The following PPP2R3A variants were observed in gnomAD, a reference collection of about 807,000 sequenced individuals.
PPP2R3A encodes serine/threonine-protein phosphatase 2A regulatory subunit B'' subunit alpha.
In PPP2R3A, 80 loss-of-function variants were observed where a neutral mutation model predicts 106.9. That is an observed-to-expected ratio of 0.75 (90% CI 0.62 to 0.90). The LOEUF (loss-of-function observed/expected upper bound fraction) is 0.90. Among genes scored for constraint, PPP2R3A ranks in the 40% least tolerant of loss-of-function variants. The pLI is 0.00. For synonymous variants in PPP2R3A, 483 were observed against 468.3 expected (o/e 1.03, Z -0.41); for missense variants, 1,386 against 1,350.4 (o/e 1.03, Z -0.41).
chr3:136,027,120 T>A (rs201981845), intron 3 of PPP2R3A, 22 bp downstream of exon 3: 4 of 1,591,688 alleles, frequency 2.5e-6, no homozygotes, highest in Non-Finnish European at 1.7e-6. Context: ...ACTAAATGAT[T>A]TACAATCTCC....
chr3:136,016,583 T>TAA (rs1934276195), intron 2 of PPP2R3A, among the ~76,000 whole-genome samples: 1 of 152,194 alleles, frequency 6.6e-6, no homozygotes, highest in African/African-American at 2.4e-5. Context: ...TTGTCTTTTT[T>TAA]AACTGTTGTC....
At chr3:136,005,321 A>G (rs1933804265) in intron 2 of PPP2R3A, among the ~76,000 whole-genome samples, 2 of 152,218 alleles carry the variant, frequency 1.3e-5, no homozygotes, top group Admixed American at 1.3e-4. Flanking sequence ...TCTAAATCTA[A>G]AACACTTCTA....
intron 2 of PPP2R3A, chr3:136,023,105 G>A (rs750183599): frequency 5.6e-6 from 9 of 1,613,270 alleles, no homozygotes; most frequent in Admixed American, 3.3e-5. Context: ...GAAGGGACCC[G>A]GATTTAAGGG....
chr3:136,061,534 A>G (rs893321144), intron 5 of PPP2R3A, among the ~76,000 whole-genome samples: 9 of 152,188 alleles, frequency 5.9e-5, no homozygotes, highest in African/African-American at 1.9e-4. Flanking sequence ...AGGCTGAGGC[A>G]GAAGAATTGC....
intron 2 of PPP2R3A, among the ~76,000 whole-genome samples, chr3:136,014,750 G>A (rs1576435442): frequency 6.6e-6 from 1 of 151,854 alleles, no homozygotes; most frequent in South Asian, 2.1e-4. Flanking sequence ...GGTTTTCCAG[G>A]TATATGATCA....
intron 11 of PPP2R3A, among the ~76,000 whole-genome samples, chr3:136,102,748 T>A (rs1254566191): frequency 6.6e-6 from 1 of 152,090 alleles, no homozygotes; most frequent in Non-Finnish European, 1.5e-5. Context: ...GATGCTGAGG[T>A]GGGAGGATTG....
At position 136,003,331 on chromosome 3, in the gene PPP2R3A, C is replaced by A; in HGVS notation, c.1833C>A (p.Ser611Arg). The A allele has an allele frequency of 6.2e-7, 1 of 1,613,942 alleles. No individual in the cohort carries two copies. The highest frequency in any genetic ancestry group is 8.5e-7 in the Non-Finnish European group (1 of 1,179,938). ...AAGAACTAGTTGAATGCAAATCAAG[C>A]AGAGGGAGCCTATCACAAGAAAAGG... ...FAQELVECKS[S>R]RGSLSQEKEM... Residue 611 changes from serine (S) to arginine (R), a missense_variant, in exon 2 of 14, where the codon AGC (serine) becomes AGA (arginine). Coordinates refer to ENST00000264977, the MANE Select transcript of PPP2R3A (RefSeq NM_002718.5).
At chr3:136,101,950 C>G in intron 10 of PPP2R3A, 57 bp from the exon 11 acceptor site, 1 of 1,503,002 alleles carries the variant, frequency 6.7e-7, no homozygotes, top group East Asian at 2.3e-5. Context: ...CATACTAAAT[C>G]TGGATAAATA....
In PPP2R3A at chr3:136,026,690, A is replaced by G. The variant is rs115031813; in HGVS notation, c.1996-142A>G. ...TAGTGCAGATAAGCATTCCCTAGAA[A>G]CATGCTTACCACCTTTAAGAGTACA... is the stretch of plus-strand genomic sequence containing the variant. On this transcript the variant is annotated intron_variant, in intron 2 of 13. Coordinates refer to ENST00000264977, the MANE Select transcript of PPP2R3A (RefSeq NM_002718.5). 3,196 of 656,164 alleles carry G rather than the reference A, an allele frequency of 4.9e-3. 37 individuals carry two copies. Among genetic ancestry groups the G allele is most frequent in the African/African-American group, 0.032 (1,767 of 54,602 alleles). 40.6% of individuals were successfully genotyped at this position (656,164 alleles called of 1,614,324 possible).
chr3:136,026,402 T>C (rs1934657036), intron 2 of PPP2R3A, among the ~76,000 whole-genome samples: 1 of 152,152 alleles, frequency 6.6e-6, no homozygotes, highest in South Asian at 2.1e-4. Flanking sequence ...TTCGGATATA[T>C]ATATTTAAAA....
chr3:136,091,388 G>A (rs1311024957), intron 10 of PPP2R3A, among the ~76,000 whole-genome samples: 2 of 152,180 alleles, frequency 1.3e-5, no homozygotes, highest in Non-Finnish European at 2.9e-5. Flanking sequence ...GCCAAGGCAG[G>A]AGGGATTGCT....
chr3:136,000,945 G>T (rs189066670), intron 1 of PPP2R3A, 114 bp from the exon 2 acceptor site: 232 of 384,680 alleles, frequency 6.0e-4, no homozygotes, highest in African/African-American at 4.4e-3. Flanking sequence ...CAGCTGTAAG[G>T]GATATTGCAG....
At chr3:136,083,449 T>C (rs1414138503) in intron 8 of PPP2R3A, among the ~76,000 whole-genome samples, 1 of 152,190 alleles carries the variant, frequency 6.6e-6, no homozygotes, top group Non-Finnish European at 1.5e-5. Context: ...CTCCTTTGCC[T>C]TCCGCCATGA....
chr3:136,060,322 ATAGAAG>A (rs1936033168), intron 5 of PPP2R3A, among the ~76,000 whole-genome samples: 1 of 152,224 alleles, frequency 6.6e-6, no homozygotes, highest in Admixed American at 6.5e-5. Flanking sequence ...TGGTAAACTC[ATAGAAG>A]TAAAGAATAG....
intron 13 of PPP2R3A, among the ~76,000 whole-genome samples, chr3:136,137,476 T>A (rs17198295): frequency 0.067 from 10,089 of 150,384 alleles, 558 homozygotes; most frequent in Admixed American, 0.11. Flanking sequence ...TTCTATTGAA[T>A]GTTTTTAAAG....
chr3:135,991,658 C>G (rs1350815820), intron 1 of PPP2R3A, among the ~76,000 whole-genome samples: 1 of 152,068 alleles, frequency 6.6e-6, no homozygotes, highest in Non-Finnish European at 1.5e-5. Flanking sequence ...ACAAATTTTG[C>G]TTTTCTCATG....
At chr3:136,076,734 G>A (rs1466162660) in intron 6 of PPP2R3A, among the ~76,000 whole-genome samples, 1 of 152,130 alleles carries the variant, frequency 6.6e-6, no homozygotes, top group Non-Finnish European at 1.5e-5. Context: ...GGATCACAAG[G>A]TCAGGAGATG....
intron 1 of PPP2R3A, among the ~76,000 whole-genome samples, chr3:135,994,756 C>T (rs911555281): frequency 1.3e-5 from 2 of 152,194 alleles, no homozygotes; most frequent in African/African-American, 2.4e-5. Context: ...CAATACCAGA[C>T]TCCTTATACC....
At chr3:135,987,354 A>G (rs1454200460) in intron 1 of PPP2R3A, among the ~76,000 whole-genome samples, 2 of 152,168 alleles carry the variant, frequency 1.3e-5, no homozygotes, top group African/African-American at 2.4e-5. Flanking sequence ...TGAAGAGGCC[A>G]GATGACACCT....
Sources: allele counts gnomAD v4.1 joint callset (sites outside exome capture counted in the v4.1 genomes callset), GRCh38; gene constraint gnomAD v4.1.1; transcripts MANE v1.5; gene names NCBI Gene and HGNC (gene_info 2026-07-23, HGNC 2026-07-21).